Variants in ASCC3 observed in about 807,000 individuals in gnomAD.
The protein encoded by ASCC3 is activating signal cointegrator 1 complex subunit 3, also known as ASC-1 complex subunit P200.
Under a neutral mutation model 256.3 loss-of-function variants are expected in ASCC3, and 158 were observed. The observed-to-expected ratio is 0.62, with a 90% confidence interval of 0.54 to 0.70. The LOEUF is 0.70. Among genes scored for constraint, ASCC3 ranks in the 30% least tolerant of loss-of-function variants. The pLI, the probability that ASCC3 is intolerant of heterozygous loss-of-function variation, is 0.00. For missense variants in ASCC3, 2,259 were observed against 2,626.0 expected (o/e 0.86, Z 3.05); for synonymous variants, 948 against 883.4 (o/e 1.07, Z -1.30).
chr6:100,544,955 T>C (rs1210429284), intron 36 of ASCC3, among the ~76,000 whole-genome samples: 7 of 152,274 alleles, frequency 4.6e-5, no homozygotes, highest in East Asian at 1.9e-4. Context: ...TAATACATCA[T>C]GACCAAATGA....
intron 3 of ASCC3, among the ~76,000 whole-genome samples, chr6:100,862,323 C>T (rs1431141102): frequency 6.6e-6 from 1 of 152,170 alleles, no homozygotes; most frequent in East Asian, 1.9e-4. Flanking sequence ...TCTAACTGTA[C>T]AAACATGAGA....
In ASCC3 at chr6:100,862,366, G is replaced by A. The variant is rs527252928; in HGVS notation, c.241+1698C>T. Among the ~76,000 whole-genome samples, 4 of 152,128 alleles carry A rather than the reference G, an allele frequency of 2.6e-5. No homozygotes were observed. The East Asian group carries it at 7.7e-4, about 29-fold the overall frequency. ...TACTTTCACAACTTAAAACAATGAG[G>A]ACATTCAATTAAATATCATACTGGG... On this transcript the variant is annotated intron_variant, in intron 3 of 41. Coordinates refer to ENST00000369162, the MANE Select transcript of ASCC3 (RefSeq NM_006828.4).
Position 100,509,978 on chromosome 6 carries a change from G to T in ASCC3, c.6415C>A (p.His2139Asn), listed in dbSNP as rs1773682275. The T allele has an allele frequency of 1.2e-6, 2 of 1,613,810 alleles. No individual in the cohort carries two copies. Among genetic ancestry groups the T allele is most frequent in the Middle Eastern group, 1.7e-4 (1 of 6,058 alleles). Residue 2139 changes from histidine to asparagine, a missense_variant, in exon 41 of 42, where the codon CAT (histidine) becomes AAT (asparagine). Transcript: ENST00000369162. ...TAAAAAGAAAGGGAAGCAACATGATGATTTCGAATATATCCTACTCTTTTC... is the reference window on the plus strand; with the variant it reads ...TAAAAAGAAAGGGAAGCAACATGATTATTTCGAATATATCCTACTCTTTTC... ...ALKRVGYIRNHHVASLSFYTP... is the reference protein window; with the variant it reads ...ALKRVGYIRNNHVASLSFYTP...
chr6:100,800,402 C>T lies in ASCC3; in HGVS notation c.1025G>A (p.Arg342His), dbSNP rs1349269765. The T allele has an allele frequency of 3.7e-6, 6 of 1,612,550 alleles. No individual in the cohort carries two copies. The highest frequency in any genetic ancestry group is 2.2e-5 in the East Asian group (1 of 44,776). Residue 342 changes from arginine to histidine, a missense_variant, in exon 6 of 42, where the codon CGT becomes CAT. Coordinates refer to ENST00000369162, the MANE Select transcript of ASCC3 (RefSeq NM_006828.4). ...TCGTCTGGCAATTCTTTTTTCTTCA[C>T]GTCGATATTGTTTCATTAACTGCTT... ...QEKQLMKQYR[R>H]EEKRIARREK...
At chr6:100,552,731 T>A (rs1275924894) in intron 36 of ASCC3, among the ~76,000 whole-genome samples, 1 of 151,824 alleles carries the variant, frequency 6.6e-6, no homozygotes, top group African/African-American at 2.4e-5. Flanking sequence ...GAATGCAACA[T>A]TTCTGAAAGA....
chr6:100,592,332 T>C (rs1234491653), intron 34 of ASCC3, among the ~76,000 whole-genome samples: 4 of 151,950 alleles, frequency 2.6e-5, no homozygotes, highest in Middle Eastern at 3.2e-3. Flanking sequence ...AACATTCTTA[T>C]TGACTTGCAT....
chr6:100,516,186 C>A lies in ASCC3; in HGVS notation c.6069G>T (p.Thr2023=). 1 of 1,613,590 alleles carries A rather than the reference C, an allele frequency of 6.2e-7. No homozygotes were observed. Among genetic ancestry groups the A allele is most frequent in the Non-Finnish European group, 8.5e-7 (1 of 1,179,640 alleles). The change falls in exon 39 of 42, where the codon ACG becomes ACT. Residue 2023 remains threonine, a synonymous_variant. Coordinates refer to ENST00000369162, the MANE Select transcript of ASCC3 (RefSeq NM_006828.4). ...MVESELHAAK[T]KQAWNFLSHL... ...ACTTAAGAGATGGTCTTACCTGTTTCGTTTTTGCAGCATGTAGCTCACTTT... is the reference window on the plus strand; with the variant it reads ...ACTTAAGAGATGGTCTTACCTGTTTAGTTTTTGCAGCATGTAGCTCACTTT...
chr6:100,698,832 A>G (rs1182359697), intron 13 of ASCC3, among the ~76,000 whole-genome samples: 1 of 152,116 alleles, frequency 6.6e-6, no homozygotes, highest in Non-Finnish European at 1.5e-5. Flanking sequence ...TTACCAAAGA[A>G]CTAATAATTA....
At chr6:100,715,375 T>C in intron 13 of ASCC3, 87 bp downstream of exon 13, 2 of 1,228,616 alleles carry the variant, frequency 1.6e-6, no homozygotes, top group South Asian at 2.7e-5. Context: ...AATTTTCTTC[T>C]GAAGAGCGTA....
chr6:100,693,605 AG>A (rs1777939249), intron 13 of ASCC3, among the ~76,000 whole-genome samples: 2 of 152,198 alleles, frequency 1.3e-5, no homozygotes, highest in South Asian at 4.1e-4. Context: ...CTGGGATTTT[AG>A]GACCAAAAGG....
intron 1 of ASCC3, among the ~76,000 whole-genome samples, chr6:100,868,267 T>A (rs1385340863): frequency 1.3e-5 from 2 of 152,232 alleles, no homozygotes; most frequent in African/African-American, 4.8e-5. Flanking sequence ...TTCCTCAAAA[T>A]TGGGTTCTGT....
chr6:100,576,609 G>A (rs1313133596), intron 36 of ASCC3, among the ~76,000 whole-genome samples: 1 of 151,958 alleles, frequency 6.6e-6, no homozygotes, highest in Admixed American at 6.6e-5. Context: ...AACTTGAAGG[G>A]TTATTTGATG....
chr6:100,838,838 G>A (rs1772002446), intron 4 of ASCC3, among the ~76,000 whole-genome samples: 1 of 151,918 alleles, frequency 6.6e-6, no homozygotes, highest in South Asian at 2.1e-4. Flanking sequence ...ACCATTATGT[G>A]TGTATGTATG....
intron 1 of ASCC3, among the ~76,000 whole-genome samples, chr6:100,880,496 G>A (rs181910756): frequency 1.6e-3 from 237 of 152,296 alleles, no homozygotes; most frequent in Middle Eastern, 6.8e-3. Flanking sequence ...CCATGAGTAA[G>A]TTAATTTATA....
chr6:100,590,026 A>G lies in ASCC3; in HGVS notation c.5337T>C (p.Ser1779=). The G allele has an allele frequency of 2.5e-6, 4 of 1,613,700 alleles. No individual in the cohort carries two copies. The highest frequency in any genetic ancestry group is 3.4e-6 in the Non-Finnish European group (4 of 1,179,696). ...TCAGATGGGACAGAAACTTGTTCAC[A>G]GAATCATGGCTCACATCACCCAAAT... ...YYNLGDVSHD[S]VNKFLSHLIE... Residue 1779 remains serine, a synonymous_variant, in exon 35 of 42, where the codon TCT becomes TCC. Transcript: ENST00000369162.
intron 41 of ASCC3, 90 bp downstream of exon 41, chr6:100,509,842 C>G (rs893769221): frequency 7.7e-7 from 1 of 1,292,132 alleles, no homozygotes. Flanking sequence ...GAGCAGAGAT[C>G]GCGCCACTGC....
At chr6:100,585,909 G>A (rs572651772) in intron 36 of ASCC3, among the ~76,000 whole-genome samples, 4 of 152,270 alleles carry the variant, frequency 2.6e-5, no homozygotes, top group East Asian at 1.9e-4. Context: ...TTCGTGAACC[G>A]CGAATGCTGC....
intron 16 of ASCC3, among the ~76,000 whole-genome samples, chr6:100,656,544 A>T (rs910117959): frequency 2.4e-4 from 37 of 151,632 alleles, no homozygotes; most frequent in African/African-American, 8.9e-4. Context: ...ATAATTCTTC[A>T]GATTGTATCT....
In ASCC3 at chr6:100,539,449, T is replaced by A. The variant is rs377379385; in HGVS notation, c.5775+714A>T. The stretch of plus-strand genomic sequence containing the variant: ...GTAAAAGAAGATATATAAATCTAGT[T>A]GATCTCTTAAGTTGGAGATTAAAGA... On this transcript the variant is annotated intron_variant, in intron 37 of 41. Coordinates refer to ENST00000369162, the MANE Select transcript of ASCC3 (RefSeq NM_006828.4). 2.0e-5 allele frequency among the ~76,000 whole-genome samples: 3 copies of A among 152,350 alleles called. No individual in the cohort carries two copies. In the East Asian group the frequency reaches 5.8e-4, roughly 29 times the overall value.
Sources: allele counts gnomAD v4.1 joint callset (sites outside exome capture counted in the v4.1 genomes callset), GRCh38; gene constraint gnomAD v4.1.1; transcripts MANE v1.5; gene names NCBI Gene and HGNC (gene_info 2026-07-23, HGNC 2026-07-21).